DAB1: variants seen among roughly 807,000 people sequenced by gnomAD.
The protein encoded by DAB1 is disabled homolog 1.
Under a neutral mutation model 64.6 loss-of-function variants are expected in DAB1, and 15 were observed. The observed-to-expected ratio is 0.23, with a 90% CI of 0.16 to 0.36. DAB1 has a LOEUF of 0.36. Among genes scored for constraint, DAB1 ranks in the 10% least tolerant of loss-of-function variants. The probability of loss-of-function intolerance (pLI) is 1.00; values close to 1 mark genes in which losing one functional copy is unlikely to be tolerated. For synonymous variants in DAB1, 235 were observed against 251.9 expected (o/e 0.93, Z 0.64); for missense variants, 596 against 706.7 (o/e 0.84, Z 1.78).
chr1:57,619,144 A>G (rs755420974), intron 7 of DAB1, among the ~76,000 whole-genome samples: 17 of 152,194 alleles, frequency 1.1e-4, no homozygotes, highest in Non-Finnish European at 2.5e-4. Context: ...CTCAGGACCT[A>G]AAGTGTTAAT....
At chr1:57,046,651 T>C (rs1261177771) in intron 9 of DAB1, among the ~76,000 whole-genome samples, 1 of 152,198 alleles carries the variant, frequency 6.6e-6, no homozygotes, top group East Asian at 1.9e-4. Context: ...TAATGATCTG[T>C]ATTACAGGAA....
At chr1:57,820,785 A>G (rs1652081746) in intron 6 of DAB1, among the ~76,000 whole-genome samples, 1 of 152,202 alleles carries the variant, frequency 6.6e-6, no homozygotes, top group South Asian at 2.1e-4. Context: ...CCATAATTTC[A>G]TCCTGGTTTA....
chr1:57,441,325 C>T (rs1325195436), intron 7 of DAB1, among the ~76,000 whole-genome samples: 1 of 63,054 alleles, frequency 1.6e-5, no homozygotes, highest in Admixed American at 1.4e-4. Context: ...TTTCTTCTTT[C>T]CTCCTTCTTC....
chr1:58,142,672 A>T (rs1654354662), intron 5 of DAB1, among the ~76,000 whole-genome samples: 2 of 152,230 alleles, frequency 1.3e-5, no homozygotes, highest in Non-Finnish European at 2.9e-5. Flanking sequence ...CTGTTCCCCT[A>T]ACCTTCTATA....
chr1:57,970,879 A>T (rs1645780449), intron 5 of DAB1, among the ~76,000 whole-genome samples: 1 of 152,172 alleles, frequency 6.6e-6, no homozygotes, highest in Admixed American at 6.5e-5. Flanking sequence ...TGAGAGACAA[A>T]AAAAAACTTC....
At chr1:57,624,320 C>A (rs1234989319) in intron 7 of DAB1, among the ~76,000 whole-genome samples, 1 of 152,142 alleles carries the variant, frequency 6.6e-6, no homozygotes, top group Non-Finnish European at 1.5e-5. Flanking sequence ...ATGAAATCAG[C>A]TCTGCCACTT....
chr1:58,091,132 G>T (rs1217565489), intron 5 of DAB1, among the ~76,000 whole-genome samples: 1 of 152,144 alleles, frequency 6.6e-6, no homozygotes, highest in African/African-American at 2.4e-5. Flanking sequence ...CTCCCCTGCA[G>T]GAGTTTCTAA....
intron 2 of DAB1, among the ~76,000 whole-genome samples, chr1:57,228,876 A>C (rs1395821723): frequency 6.6e-6 from 1 of 152,198 alleles, no homozygotes; most frequent in Non-Finnish European, 1.5e-5. Context: ...ATTTAATAGA[A>C]TTCTATATAG....
intron 7 of DAB1, among the ~76,000 whole-genome samples, chr1:57,624,081 A>G (rs941121696): frequency 1.3e-5 from 2 of 152,228 alleles, no homozygotes; most frequent in Non-Finnish European, 2.9e-5. Context: ...TGGGAGTCAA[A>G]GGGGAGAAAG....
intron 4 of DAB1, among the ~76,000 whole-genome samples, chr1:57,115,007 A>G (rs1655984799): frequency 6.6e-6 from 1 of 152,194 alleles, no homozygotes; most frequent in African/African-American, 2.4e-5. Flanking sequence ...AAATGCATGT[A>G]AAGTGTGCAG....
At chr1:57,283,301 A>G (rs1029889258) in intron 2 of DAB1, among the ~76,000 whole-genome samples, 5 of 152,174 alleles carry the variant, frequency 3.3e-5, no homozygotes, top group African/African-American at 1.2e-4. Flanking sequence ...GCAAGTATCC[A>G]TTTGAAGAGG....
intron 7 of DAB1, among the ~76,000 whole-genome samples, chr1:57,591,567 G>C (rs1320427364): frequency 6.6e-6 from 1 of 152,166 alleles, no homozygotes; most frequent in Admixed American, 6.5e-5. Context: ...TTCAAATCCT[G>C]AAACTGCCAA....
At chr1:57,977,568 T>C (rs1348361836) in intron 5 of DAB1, among the ~76,000 whole-genome samples, 11 of 152,196 alleles carry the variant, frequency 7.2e-5, no homozygotes, top group Admixed American at 5.9e-4. Context: ...ACACTAAGAA[T>C]AGAATTTGGC....
At chr1:58,494,218 G>T (rs1028250577) in intron 3 of DAB1, among the ~76,000 whole-genome samples, 15 of 152,028 alleles carry the variant, frequency 9.9e-5, no homozygotes, top group East Asian at 1.9e-4. Flanking sequence ...TAGCCATATG[G>T]AGAAAGCTGA....
At chr1:57,016,453 A>C (rs899797107) in intron 11 of DAB1, among the ~76,000 whole-genome samples, 1 of 152,094 alleles carries the variant, frequency 6.6e-6, no homozygotes, top group African/African-American at 2.4e-5. Context: ...GAATGGTGGC[A>C]CATGCTCAGA....
intron 1 of DAB1, among the ~76,000 whole-genome samples, chr1:57,868,715 G>T (rs1193662898): frequency 6.6e-6 from 1 of 152,062 alleles, no homozygotes; most frequent in Non-Finnish European, 1.5e-5. Flanking sequence ...ATTCCCAGAG[G>T]CTATCACGGT....
At chr1:58,007,097 G>GCTGCC (rs1426643584) in intron 5 of DAB1, among the ~76,000 whole-genome samples, 8 of 152,158 alleles carry the variant, frequency 5.3e-5, no homozygotes, top group Admixed American at 5.2e-4. Flanking sequence ...TAAGCTCTCT[G>GCTGCC]CTGCCCACAA....
At chr1:57,834,076 G>A (rs1344396714) in intron 1 of DAB1, among the ~76,000 whole-genome samples, 2 of 152,104 alleles carry the variant, frequency 1.3e-5, no homozygotes, top group African/African-American at 4.8e-5. Flanking sequence ...ATATTTTGCA[G>A]TCTAATGCAT....
intron 2 of DAB1, among the ~76,000 whole-genome samples, chr1:58,523,266 G>A (rs1351539667): frequency 1.3e-5 from 2 of 152,056 alleles, no homozygotes; most frequent in African/African-American, 4.8e-5. Flanking sequence ...TTCCTTGACT[G>A]GCTCTGTGTG....
Sources: gnomAD v4.1 joint callset for allele counts (sites outside exome capture counted in the v4.1 genomes callset) on GRCh38, gnomAD v4.1.1 for gene constraint, MANE v1.5 for transcripts, NCBI Gene and HGNC (gene_info 2026-07-23, HGNC 2026-07-21) for gene names.